PRH1: variants seen among roughly 807,000 people sequenced by gnomAD.
PRH1 encodes the protein proline rich protein HaeIII subfamily 1.
In PRH1, 7 loss-of-function variants were observed where a neutral mutation model predicts 7.9. The ratio of observed to expected loss-of-function variants is 0.89; its 90% CI spans 0.50 to 1.67. PRH1 has a LOEUF of 1.67. Ranked by LOEUF, PRH1 falls within the 40% of genes most tolerant of loss-of-function variation. PRH1 has a pLI of 0.00. For synonymous variants in PRH1, 45 were observed against 80.8 expected (o/e 0.56, Z 2.38); for missense variants, 109 against 223.6 (o/e 0.49, Z 3.27).
At chr12:11,159,277 A>C (rs1947346530) in intron 1 of PRH1, 1 of 151,896 alleles carries the variant, frequency 6.6e-6, no homozygotes, top group Non-Finnish European at 1.5e-5. Flanking sequence ...ACAAACGATA[A>C]GAACAAAGAC....
rs1474259590 is a variant in PRH1 at position 10,882,289 on chromosome 12, T to G, written c.510A>C (p.Pro170=). 6 of 1,611,198 alleles carry G rather than the reference T, an allele frequency of 3.7e-6. No homozygotes were observed. The highest frequency in any genetic ancestry group is 5.1e-6 in the Non-Finnish European group (6 of 1,178,966). Residue 170 remains proline, a synonymous_variant, in exon 3 of 4, where the codon CCA becomes CCC. Coordinates refer to ENST00000543626, the MANE Select transcript of PRH1 (RefSeq NM_001393989.1). ...PPPPPGKPQG[P]PPQGGRPQGP... ...CTTGTGGGCGGCCCCCTTGGGGAGGTGGTCCCTGGGGCTTTCCAGGAGGAG... is the reference window on the plus strand; with the variant it reads ...CTTGTGGGCGGCCCCCTTGGGGAGGGGGTCCCTGGGGCTTTCCAGGAGGAG...
At chr12:10,904,247 C>T (rs1165233694) in intron 2 of PRH1, among the ~76,000 whole-genome samples, 3 of 151,362 alleles carry the variant, frequency 2.0e-5, no homozygotes, top group Non-Finnish European at 4.4e-5. Context: ...AGAAAAAAGC[C>T]AGAGGAATCA....
At chr12:11,134,640 G>T in intron 1 of PRH1, 1 of 187,548 alleles carries the variant, frequency 5.3e-6, no homozygotes, top group Admixed American at 5.3e-5. Flanking sequence ...TTTGTCTTTA[G>T]CGACTTCAGT....
upstream of PRH1, among the ~76,000 whole-genome samples, chr12:10,888,098 T>C (rs1006075476): frequency 6.6e-6 from 1 of 152,278 alleles, no homozygotes; most frequent in South Asian, 2.1e-4. Context: ...CCTTCTTCCA[T>C]CTTCAATGCC....
At chr12:11,146,755 A>G (rs1178943966) in intron 1 of PRH1, among the ~76,000 whole-genome samples, 1 of 152,180 alleles carries the variant, frequency 6.6e-6, no homozygotes, top group Admixed American at 6.5e-5. Context: ...GATACAAGTT[A>G]CACACTGATT....
intron 1 of PRH1, among the ~76,000 whole-genome samples, chr12:10,989,777 A>T (rs10772400): frequency 0.21 from 32,047 of 152,144 alleles, 3,985 homozygotes; most frequent in Non-Finnish European, 0.27. Flanking sequence ...AAAGTCCGCT[A>T]TGGTTTTGAA....
intron 2 of PRH1, among the ~76,000 whole-genome samples, chr12:10,927,231 C>T (rs1240517365): frequency 2.0e-5 from 3 of 152,180 alleles, no homozygotes; most frequent in South Asian, 2.1e-4. Flanking sequence ...TTCTCCGTTA[C>T]CCACATCATC....
intron 1 of PRH1, among the ~76,000 whole-genome samples, chr12:11,100,981 TTAATA>T (rs1429925860): frequency 1.8e-4 from 27 of 152,162 alleles, no homozygotes; most frequent in Non-Finnish European, 2.9e-4. Flanking sequence ...TACATTTAAT[TTAATA>T]TATTTAATAT....
At chr12:10,881,842 C>T (rs1274766076) in intron 3 of PRH1, among the ~76,000 whole-genome samples, 2 of 152,108 alleles carry the variant, frequency 1.3e-5, no homozygotes, top group Admixed American at 1.3e-4. Flanking sequence ...GAATACTGGA[C>T]CTGAAAGCCT....
chr12:10,914,118 G>C (rs1423735748), intron 2 of PRH1, among the ~76,000 whole-genome samples: 1 of 152,222 alleles, frequency 6.6e-6, no homozygotes, highest in Non-Finnish European at 1.5e-5. Flanking sequence ...AAACAAGATA[G>C]GGAGTGGCAA....
At chr12:11,061,045 T>A (rs1230803488) in intron 1 of PRH1, among the ~76,000 whole-genome samples, 1 of 152,108 alleles carries the variant, frequency 6.6e-6, no homozygotes, top group African/African-American at 2.4e-5. Flanking sequence ...AAATATAAAA[T>A]ACATAAATGA....
At chr12:10,893,179 G>A (rs750643310) in intron 2 of PRH1, among the ~76,000 whole-genome samples, 21 of 152,254 alleles carry the variant, frequency 1.4e-4, no homozygotes, top group Non-Finnish European at 2.2e-4. Flanking sequence ...GTGAGATATT[G>A]AGCAGCATCC....
At chr12:10,919,563 T>C (rs1950017527) in intron 2 of PRH1, among the ~76,000 whole-genome samples, 1 of 152,214 alleles carries the variant, frequency 6.6e-6, no homozygotes, top group African/African-American at 2.4e-5. Context: ...TTTTCAAATC[T>C]AAAGTGATAG....
intron 1 of PRH1, chr12:11,091,791 T>C (rs73064966): frequency 0.42 from 357,682 of 857,454 alleles, 107,958 homozygotes; most frequent in Admixed American, 0.5. Flanking sequence ...TTCATGTTTA[T>C]CACAAAAAGA....
At chr12:10,937,102 A>T (rs1248577694) in intron 2 of PRH1, among the ~76,000 whole-genome samples, 4 of 151,932 alleles carry the variant, frequency 2.6e-5, no homozygotes, top group Admixed American at 1.3e-4. Flanking sequence ...ACAATTTTTC[A>T]TGTTATTCAA....
chr12:11,160,380 C>A (rs180786162), intron 1 of PRH1, among the ~76,000 whole-genome samples: 1 of 152,106 alleles, frequency 6.6e-6, no homozygotes, highest in African/African-American at 2.4e-5. Flanking sequence ...GAATTAAAGA[C>A]GAGGAAGATA....
intron 1 of PRH1, among the ~76,000 whole-genome samples, chr12:11,115,167 T>G (rs985037227): frequency 6.6e-6 from 1 of 152,106 alleles, no homozygotes; most frequent in Non-Finnish European, 1.5e-5. Context: ...AAACACACTT[T>G]GTCTATAAAG....
intron 2 of PRH1, among the ~76,000 whole-genome samples, chr12:10,946,529 CTCTTT>C (rs1429218124): frequency 1.3e-5 from 2 of 152,090 alleles, no homozygotes; most frequent in African/African-American, 4.8e-5. Flanking sequence ...TGGATCTTCT[CTCTTT>C]TCTTCTTAAT....
intron 2 of PRH1, among the ~76,000 whole-genome samples, chr12:10,968,656 G>T (rs1347814191): frequency 3.3e-5 from 5 of 152,216 alleles, no homozygotes; most frequent in Admixed American, 3.3e-4. Context: ...GCTCACTGAC[G>T]CTAGAACCAG....
Sources: gnomAD v4.1 joint callset for allele counts (sites outside exome capture counted in the v4.1 genomes callset) on GRCh38, gnomAD v4.1.1 for gene constraint, MANE v1.5 for transcripts, NCBI Gene and HGNC (gene_info 2026-07-23, HGNC 2026-07-21) for gene names.